HYCC1: variants seen among roughly 807,000 people sequenced by gnomAD.
HYCC1 encodes the protein hyccin.
the HYCC1 span, among the ~76,000 whole-genome samples, chr7:22,947,702 A>C: frequency 1.3e-5 from 2 of 150,826 alleles, no homozygotes; most frequent in African/African-American, 4.9e-5. Context: ...ATTAGGAACC[A>C]AGCCACACAG....
chr7:22,962,936 T>A, the HYCC1 span, among the ~76,000 whole-genome samples: 1 of 151,878 alleles, frequency 6.6e-6, no homozygotes, highest in Admixed American at 6.6e-5. Context: ...AGAAAAACCC[T>A]CCAGCAATCC....
the HYCC1 span, chr7:23,014,076 C>T: frequency 2.1e-6 from 1 of 470,482 alleles, no homozygotes; most frequent in African/African-American, 2.0e-5. Flanking sequence ...TCTTCCCCCT[C>T]CTCTCACTGA....
chr7:22,924,291 T>C, the HYCC1 span, among the ~76,000 whole-genome samples: 1 of 151,714 alleles, frequency 6.6e-6, no homozygotes, highest in African/African-American at 2.4e-5. Flanking sequence ...CATTTCCAAC[T>C]GAGGTAACGG....
chr7:22,922,565 T>A, the HYCC1 span, among the ~76,000 whole-genome samples: 2 of 152,348 alleles, frequency 1.3e-5, no homozygotes, highest in South Asian at 4.1e-4. Flanking sequence ...GTTCAAAGTA[T>A]GATTTCTACT....
the HYCC1 span, among the ~76,000 whole-genome samples, chr7:22,990,285 A>ATCT: frequency 2.0e-5 from 3 of 152,214 alleles, no homozygotes; most frequent in African/African-American, 7.2e-5. Context: ...CTATAATTTT[A>ATCT]TCTTTTCTTT....
At chr7:22,992,846 C>T in the HYCC1 span, among the ~76,000 whole-genome samples, 37 of 151,862 alleles carry the variant, frequency 2.4e-4, no homozygotes, top group African/African-American at 8.9e-4. Context: ...AATAACTCTC[C>T]AGTTAAAATT....
At chr7:22,917,226 A>C in the HYCC1 span, among the ~76,000 whole-genome samples, 1 of 152,100 alleles carries the variant, frequency 6.6e-6, no homozygotes, top group African/African-American at 2.4e-5. Flanking sequence ...CTTCCCACAC[A>C]AGGCAAATGG....
chr7:22,983,097 G>A, the HYCC1 span, among the ~76,000 whole-genome samples: 12 of 152,100 alleles, frequency 7.9e-5, no homozygotes, highest in Admixed American at 7.9e-4. Context: ...GGGAGGCTGA[G>A]GTGGATGGAT....
chr7:23,013,010 AG>A, the HYCC1 span, among the ~76,000 whole-genome samples: 3 of 152,214 alleles, frequency 2.0e-5, no homozygotes, highest in Admixed American at 6.5e-5. Flanking sequence ...CGCGGCTGCC[AG>A]GCTTGTGATA....
At chr7:22,904,720 G>C in the HYCC1 span, among the ~76,000 whole-genome samples, 1 of 151,982 alleles carries the variant, frequency 6.6e-6, no homozygotes. Context: ...GAGGTGGGCA[G>C]ATCACTTGAG....
chr7:22,899,268 A>T, the HYCC1 span, among the ~76,000 whole-genome samples: 3 of 152,084 alleles, frequency 2.0e-5, no homozygotes, highest in Non-Finnish European at 2.9e-5. Context: ...AACACTTAGG[A>T]GGCAGGAAAG....
chr7:22,988,772 T>C, the HYCC1 span, among the ~76,000 whole-genome samples: 9 of 152,328 alleles, frequency 5.9e-5, no homozygotes, highest in African/African-American at 2.2e-4. Context: ...ACTCCCATTA[T>C]CCTCAAAATA....
chr7:23,002,150 A>ATATATATACACAAT, the HYCC1 span, among the ~76,000 whole-genome samples: 2 of 27,500 alleles, frequency 7.3e-5, no homozygotes, highest in African/African-American at 3.8e-4. Flanking sequence ...ATATATATAT[A>ATATATATACACAAT]TATATATATA....
At chr7:22,964,678 T>C in the HYCC1 span, 2 of 633,740 alleles carry the variant, frequency 3.2e-6, no homozygotes. Context: ...ACAGAACATT[T>C]GTCTGTAATA....
At chr7:22,937,947 G>C in the HYCC1 span, 1 of 152,106 alleles carries the variant, frequency 6.6e-6, no homozygotes, top group Non-Finnish European at 1.5e-5. Context: ...TTAGCATGCC[G>C]TACTTATGAC....
chr7:23,010,346 C>T, the HYCC1 span, among the ~76,000 whole-genome samples: 1 of 152,144 alleles, frequency 6.6e-6, no homozygotes, highest in Non-Finnish European at 1.5e-5. Flanking sequence ...CTTGTCTCTA[C>T]TCACTCTTTC....
At chr7:22,898,010 G>A in the HYCC1 span, among the ~76,000 whole-genome samples, 1 of 151,712 alleles carries the variant, frequency 6.6e-6, no homozygotes, top group African/African-American at 2.4e-5. Flanking sequence ...CTAAGCTTTG[G>A]CACTGATATT....
At chr7:22,976,015 C>T in the HYCC1 span, among the ~76,000 whole-genome samples, 3 of 152,122 alleles carry the variant, frequency 2.0e-5, no homozygotes, top group African/African-American at 4.8e-5. Flanking sequence ...CTATCGCATC[C>T]GGCCCTTTAT....
At chr7:22,923,766 C>G in the HYCC1 span, among the ~76,000 whole-genome samples, 1 of 151,992 alleles carries the variant, frequency 6.6e-6, no homozygotes, top group Non-Finnish European at 1.5e-5. Flanking sequence ...AAAATAATTA[C>G]ATGGAAATAC....
Sources: allele counts gnomAD v4.1 joint callset (sites outside exome capture counted in the v4.1 genomes callset), GRCh38; gene constraint gnomAD v4.1.1; transcripts MANE v1.5; gene names NCBI Gene and HGNC (gene_info 2026-07-23, HGNC 2026-07-21).